Variants in CTNND2 observed in about 807,000 individuals in gnomAD.
CTNND2 encodes the protein catenin delta-2.
CTNND2 carries 22 observed loss-of-function variants against 144.4 expected under a neutral mutation model. The observed-to-expected ratio is 0.15, with a 90% CI of 0.11 to 0.22. The LOEUF (loss-of-function observed/expected upper bound fraction) is 0.22. Ranked by LOEUF, CTNND2 falls within the 10% of genes least tolerant of loss-of-function variation. The probability of loss-of-function intolerance (pLI) is 1.00; values close to 1 mark genes in which losing one functional copy is unlikely to be tolerated. For synonymous variants in CTNND2, 751 were observed against 695.6 expected, an observed-to-expected ratio of 1.08 and a Z score of -1.25; for missense variants, 1,353 against 1,618.8, an observed-to-expected ratio of 0.84 and a Z score of 2.82.
intron 1 of CTNND2, among the ~76,000 whole-genome samples, chr5:11,778,076 T>C (rs1790349612): frequency 6.6e-6 from 1 of 152,106 alleles, no homozygotes; most frequent in South Asian, 2.1e-4. Flanking sequence ...AGGTTTTGAC[T>C]GAGACTGGAA....
chr5:11,569,009 A>G (rs534543840), intron 2 of CTNND2, among the ~76,000 whole-genome samples: 1 of 152,354 alleles, frequency 6.6e-6, no homozygotes, highest in South Asian at 2.1e-4. Context: ...AAGATTATCT[A>G]GATTTGCAGA....
At chr5:11,031,145 C>T (rs1697904) in intron 16 of CTNND2, among the ~76,000 whole-genome samples, 25,578 of 152,050 alleles carry the variant, frequency 0.17, 2,508 homozygotes, top group Middle Eastern at 0.24. Flanking sequence ...AGGAGGGTGA[C>T]GGTGTCAGCT....
At chr5:11,763,317 T>C (rs950648125) in intron 1 of CTNND2, among the ~76,000 whole-genome samples, 41 of 152,248 alleles carry the variant, frequency 2.7e-4, no homozygotes, top group South Asian at 1.5e-3. Context: ...AAGGCTTACA[T>C]AAGGCAATGA....
chr5:11,398,478 T>C (rs906691256), intron 5 of CTNND2, among the ~76,000 whole-genome samples: 21 of 152,190 alleles, frequency 1.4e-4, no homozygotes, highest in African/African-American at 4.6e-4. Context: ...TCAAGATATT[T>C]TTTCATCAGT....
chr5:11,625,493 T>C (rs1781110921), intron 2 of CTNND2, among the ~76,000 whole-genome samples: 2 of 151,956 alleles, frequency 1.3e-5, no homozygotes, highest in Non-Finnish European at 2.9e-5. Context: ...GACTGAAGTG[T>C]AGGATGTAAA....
intron 7 of CTNND2, among the ~76,000 whole-genome samples, chr5:11,369,411 T>A (rs975018017): frequency 6.6e-6 from 1 of 152,240 alleles, no homozygotes; most frequent in Non-Finnish European, 1.5e-5. Flanking sequence ...CACCGCCTTG[T>A]GTCTTGCCTG....
intron 1 of CTNND2, among the ~76,000 whole-genome samples, chr5:11,761,828 T>A (rs1357208074): frequency 6.6e-6 from 1 of 152,142 alleles, no homozygotes; most frequent in East Asian, 1.9e-4. Flanking sequence ...TAGCTTATAT[T>A]GGTAACCAAG....
chr5:11,714,063 G>A (rs1786202262), intron 2 of CTNND2, among the ~76,000 whole-genome samples: 1 of 152,314 alleles, frequency 6.6e-6, no homozygotes, highest in Non-Finnish European at 1.5e-5. Context: ...TACACGGGGA[G>A]TATATGTTTG....
At chr5:11,444,239 A>G (rs1764598421) in intron 3 of CTNND2, among the ~76,000 whole-genome samples, 1 of 152,214 alleles carries the variant, frequency 6.6e-6, no homozygotes, top group African/African-American at 2.4e-5. Context: ...TCATCGGATC[A>G]TTGTTGGAAT....
At chr5:11,828,531 A>AAAAT (rs1020581384) in intron 1 of CTNND2, among the ~76,000 whole-genome samples, 1 of 152,082 alleles carries the variant, frequency 6.6e-6, no homozygotes, top group Non-Finnish European at 1.5e-5. Flanking sequence ...ACTCCGACTA[A>AAAAT]AAATAAATAA....
At chr5:11,160,522 T>C (rs925303153) in intron 11 of CTNND2, among the ~76,000 whole-genome samples, 3 of 152,334 alleles carry the variant, frequency 2.0e-5, no homozygotes, top group South Asian at 2.1e-4. Context: ...GAAAAGGTCA[T>C]AAACATTGCA....
chr5:10,984,603 A>G (rs1737707787), intron 20 of CTNND2, among the ~76,000 whole-genome samples: 1 of 151,884 alleles, frequency 6.6e-6, no homozygotes, highest in Admixed American at 6.5e-5. Flanking sequence ...AAACGAGACC[A>G]TAGCTGAGAC....
At chr5:11,295,270 T>C (rs992438579) in intron 9 of CTNND2, among the ~76,000 whole-genome samples, 16 of 152,220 alleles carry the variant, frequency 1.1e-4, no homozygotes, top group African/African-American at 3.6e-4. Flanking sequence ...GAATCCACCT[T>C]ACAAGGGACG....
At chr5:11,154,065 G>A (rs1271767593) in intron 12 of CTNND2, among the ~76,000 whole-genome samples, 8 of 152,162 alleles carry the variant, frequency 5.3e-5, no homozygotes. Context: ...TATTTTAAAT[G>A]GGAAATGCAG....
Position 11,814,526 on chromosome 5 carries a change from C to T in CTNND2, c.38-82254G>A, listed in dbSNP as rs545268795. ...AAATGGTGACAGCACATGTGGTGAG[C>T]CAGGTTGGAGAGCTGCAAAGCACAC... On this transcript the variant is annotated intron_variant, in intron 1 of 21. Coordinates refer to ENST00000304623, the MANE Select transcript of CTNND2 (RefSeq NM_001332.4). Among the ~76,000 whole-genome samples the T allele has an allele frequency of 3.9e-5, 6 of 152,272 alleles. No individual in the cohort carries two copies. The East Asian group carries it at 9.6e-4, about 24-fold the overall frequency.
chr5:11,402,059 T>C (rs1017407753), intron 5 of CTNND2, among the ~76,000 whole-genome samples: 1 of 152,194 alleles, frequency 6.6e-6, no homozygotes, highest in Admixed American at 6.6e-5. Context: ...TTCAACAACC[T>C]GCAAGCTTTC....
chr5:11,249,370 G>A (rs901164394), intron 9 of CTNND2, among the ~76,000 whole-genome samples: 10 of 152,182 alleles, frequency 6.6e-5, no homozygotes, highest in African/African-American at 7.2e-5. Flanking sequence ...GTAAGAGGGC[G>A]TTGAATAGAC....
chr5:11,558,761 T>C (rs1776446783), intron 3 of CTNND2, among the ~76,000 whole-genome samples: 1 of 152,110 alleles, frequency 6.6e-6, no homozygotes, highest in Admixed American at 6.5e-5. Context: ...AACATGGAGT[T>C]TGGAACCTGT....
chr5:11,330,764 C>G (rs1484081519), intron 9 of CTNND2, among the ~76,000 whole-genome samples: 1 of 130,982 alleles, frequency 7.6e-6, no homozygotes, highest in Non-Finnish European at 1.6e-5. Flanking sequence ...ACCTGGGCAA[C>G]AGAGCAAAAC....
Sources: allele counts gnomAD v4.1 joint callset (sites outside exome capture counted in the v4.1 genomes callset), GRCh38; gene constraint gnomAD v4.1.1; transcripts MANE v1.5; gene names NCBI Gene and HGNC (gene_info 2026-07-23, HGNC 2026-07-21).